The following ANAPC11 variants were observed in gnomAD, a reference collection of about 807,000 sequenced individuals.
ANAPC11 encodes anaphase-promoting complex subunit 11.
In ANAPC11, 5 loss-of-function variants were observed where a neutral mutation model predicts 11.8. That is an observed-to-expected ratio of 0.42 (90% CI 0.22 to 0.89). The LOEUF (loss-of-function observed/expected upper bound fraction) is 0.89. Ranked by LOEUF, ANAPC11 falls within the 40% of genes least tolerant of loss-of-function variation. The pLI is 0.28. For missense variants in ANAPC11, 68 were observed against 112.9 expected (o/e 0.60, Z 1.80); for synonymous variants, 45 against 41.0 (o/e 1.10, Z -0.38).
At chr17:81,897,698 A>G (rs2039790577) in intron 3 of ANAPC11, among the ~76,000 whole-genome samples, 1 of 152,094 alleles carries the variant, frequency 6.6e-6, no homozygotes, top group African/African-American at 2.4e-5. Context: ...TGCCAAGGCT[A>G]GTCTTGAACT....
At chr17:81,898,920 CT>C (rs2143575240) in intron 3 of ANAPC11, 1 of 415,884 alleles carries the variant, frequency 2.4e-6, no homozygotes, top group East Asian at 4.5e-5. Flanking sequence ...GCCCAGACCC[CT>C]CTCCTCAGGG....
intron 2 of ANAPC11, 165 bp from the exon 3 acceptor site, chr17:81,894,302 A>G (rs1035832417): frequency 8.1e-5 from 33 of 405,158 alleles, no homozygotes; most frequent in Non-Finnish European, 1.2e-4. Context: ...AGGGCTCACG[A>G]TGTTTCCCAG....
intron 3 of ANAPC11, chr17:81,899,312 C>T: frequency 6.2e-7 from 1 of 1,613,478 alleles, no homozygotes; most frequent in Non-Finnish European, 8.5e-7. Flanking sequence ...TCCTGGGAGG[C>T]AGGGCCCATC....
chr17:81,897,339 G>A (rs960945719), intron 3 of ANAPC11, among the ~76,000 whole-genome samples: 1 of 152,042 alleles, frequency 6.6e-6, no homozygotes, highest in African/African-American at 2.4e-5. Flanking sequence ...CACCATGTTG[G>A]CCGGGCTGGT....
chr17:81,899,111 G>A lies in ANAPC11; in HGVS notation c.110-809G>A, dbSNP rs766449262. 13 of 1,017,818 alleles carry A rather than the reference G, an allele frequency of 1.3e-5. 1 individual carries two copies. The highest frequency in any genetic ancestry group is 5.0e-5 in the South Asian group (3 of 60,116). 63.0% of individuals were successfully genotyped at this position (1,017,818 alleles called of 1,614,324 possible). A position where few individuals can be genotyped will look rare whatever the true frequency, so the allele number is the denominator to read the frequency against. The stretch of plus-strand genomic sequence containing the variant: ...TCCACAATGCCAGGCCGACCCTGCC[G>A]TGGGGCTGGGGCTGGGACTTGCTGT... On this transcript the variant is annotated intron_variant, in intron 3 of 3. Coordinates refer to ENST00000344877, the MANE Select transcript of ANAPC11 (RefSeq NM_001002248.3).
upstream of ANAPC11, chr17:81,891,629 C>A (rs762748230): frequency 7.5e-7 from 1 of 1,331,422 alleles, no homozygotes; most frequent in South Asian, 1.4e-5. Flanking sequence ...TCCGGCGCCG[C>A]GTGAGGCCTT....
At position 81,899,920 on chromosome 17, in the gene ANAPC11, G is replaced by A. The variant is rs747366718; in HGVS notation, c.110G>A (p.Cys37Tyr). Residue 37 changes from cysteine to tyrosine, a missense_variant and splice_region_variant, in exon 4 of 4, where the codon TGC (cysteine) becomes TAC (tyrosine). Physicochemically the swap from Cys to Tyr is radical, Grantham distance 194. Transcript: ENST00000344877. Reference sequence around the variant, plus strand: ...CCTTTTCCCCACCTCCCCTCCGTAGGCAAGGTGCCCGGCGACGACTGCCCG... The same window carrying A: ...CCTTTTCCCCACCTCCCCTCCGTAGACAAGGTGCCCGGCGACGACTGCCCG... ...RMAFNGCCPD[C>Y]KVPGDDCPLV... 1 of 1,607,168 alleles carries A rather than the reference G, an allele frequency of 6.2e-7. No homozygotes were observed. Among genetic ancestry groups the A allele is most frequent in the Non-Finnish European group, 8.5e-7 (1 of 1,175,404 alleles).
rs1416885502 is a variant in ANAPC11 at position 81,899,904 on chromosome 17, C to T, written c.110-16C>T. The T allele has an allele frequency of 2.5e-6, 4 of 1,603,000 alleles. No individual in the cohort carries two copies. Among genetic ancestry groups the T allele is most frequent in the South Asian group, 1.1e-5 (1 of 90,580 alleles). On this transcript the variant is annotated splice_polypyrimidine_tract_variant and intron_variant, in intron 3 of 3. Transcript: ENST00000344877. ...GCCTGGTCATGCCTGTCCTTTTCCC[C>T]ACCTCCCCTCCGTAGGCAAGGTGCC...
In ANAPC11 at chr17:81,894,523, T is replaced by C. The variant is rs1567867682; in HGVS notation, c.46T>C (p.Trp16Arg). Residue 16 changes from tryptophan to arginine, a missense_variant, in exon 3 of 4, where the codon TGG becomes CGG. Coordinates refer to ENST00000344877, the MANE Select transcript of ANAPC11 (RefSeq NM_001002248.3). ...CTGGAACGGCGTGGCCACTTGGCTC[T>C]GGGTGGCCAACGATGAGAACTGTGG... ...KCWNGVATWL[W>R]VANDENCGIC... The C allele has an allele frequency of 6.2e-7, 1 of 1,613,198 alleles. No homozygotes were observed. The highest frequency in any genetic ancestry group is 8.5e-7 in the Non-Finnish European group (1 of 1,179,408).
At chr17:81,894,608 T>A in intron 3 of ANAPC11, 22 bp downstream of exon 3, 1 of 1,556,804 alleles carries the variant, frequency 6.4e-7, no homozygotes, top group Non-Finnish European at 8.8e-7. Flanking sequence ...CTCCATGCTG[T>A]CTGAGCGGCC....
rs973846974 is a variant in ANAPC11 at position 81,899,502 on chromosome 17, A to C, written c.110-418A>C. The C allele has an allele frequency of 3.1e-6, 5 of 1,613,822 alleles. No individual in the cohort carries two copies. In the East Asian group the frequency reaches 8.9e-5, roughly 29 times the overall value. ...TGACCATTCATGTGACCTTTTTGGC[A>C]TCACAGATCAAGTGTCTGCAGATGG... On this transcript the variant is annotated intron_variant, in intron 3 of 3. Coordinates refer to ENST00000344877, the MANE Select transcript of ANAPC11 (RefSeq NM_001002248.3).
At chr17:81,891,621 C>T, upstream of ANAPC11, 1 of 1,353,922 alleles carries the variant, frequency 7.4e-7, no homozygotes, top group Non-Finnish European at 9.6e-7. Flanking sequence ...ACGTCACTTC[C>T]GGCGCCGCGT....
In ANAPC11 at chr17:81,900,205, G is replaced by A; in HGVS notation, c.*140G>A. 2 of 1,331,556 alleles carry A rather than the reference G, an allele frequency of 1.5e-6. No individual in the cohort carries two copies. The highest frequency in any genetic ancestry group is 2.1e-6 in the Non-Finnish European group (2 of 974,960). The allele number at this position is 1,331,556 out of a possible 1,614,324, so 82.5% of individuals were successfully genotyped here. Reference sequence around the variant, plus strand: ...GCTGCGTTTGTTTTGCCATCACTATGTTGACACTTTTATCCAATAAGTGAA... The same window carrying A: ...GCTGCGTTTGTTTTGCCATCACTATATTGACACTTTTATCCAATAAGTGAA... On this transcript the variant is annotated 3_prime_UTR_variant, in exon 4 of 4. Coordinates refer to ENST00000344877, the MANE Select transcript of ANAPC11 (RefSeq NM_001002248.3).
Position 81,891,744 on chromosome 17 carries a change from TCGG to T in ANAPC11, c.-168_-166del, listed in dbSNP as rs1182435968. ...GCGCGTGCGCACTGGCGTGCGAGACTCGGCGGGCGCTGTTGAGGGAGTCGGGCC... is the reference window on the plus strand; with the variant it reads ...GCGCGTGCGCACTGGCGTGCGAGACTCGGGCGCTGTTGAGGGAGTCGGGCC... On this transcript the variant is annotated 5_prime_UTR_variant, in exon 1 of 4. Transcript: ENST00000344877. The T allele has an allele frequency of 9.9e-6, 5 of 504,250 alleles. No individual in the cohort carries two copies. Among genetic ancestry groups the T allele is most frequent in the Non-Finnish European group, 1.4e-5 (5 of 346,548 alleles). The allele number at this position is 504,250 out of a possible 1,614,324, so 31.2% of individuals were successfully genotyped here. A position where few individuals can be genotyped will look rare whatever the true frequency, so the allele number is the denominator to read the frequency against.
rs975253464 is a variant in ANAPC11 at position 81,894,421 on chromosome 17, C to T, written c.-11-46C>T. 7.5e-6 allele frequency: 9 copies of T among 1,194,494 alleles called. No homozygotes were observed. The African/African-American group carries it at 1.2e-4, about 16-fold the overall frequency. 74.0% of individuals were successfully genotyped at this position (1,194,494 alleles called of 1,614,324 possible). On this transcript the variant is annotated intron_variant, in intron 2 of 3. Coordinates refer to ENST00000344877, the MANE Select transcript of ANAPC11 (RefSeq NM_001002248.3). ...CTGTGTTGGTGCCTAAACGTTCTAG[C>T]TCTGCAGACTCAATTTAGCCAGTCG...
intron 3 of ANAPC11, among the ~76,000 whole-genome samples, chr17:81,895,086 C>A (rs1424702231): frequency 9.8e-4 from 97 of 98,514 alleles, no homozygotes; most frequent in Middle Eastern, 9.3e-3. Flanking sequence ...TGGAGTTTCA[C>A]TCTTGTTGCC....
intron 2 of ANAPC11, among the ~76,000 whole-genome samples, chr17:81,893,837 T>C (rs1045797722): frequency 1.1e-4 from 16 of 147,326 alleles, no homozygotes; most frequent in African/African-American, 4.0e-4. Flanking sequence ...GCTCAGGCGA[T>C]CCTCCCGAGT....
chr17:81,898,105 A>G (rs931243253), intron 3 of ANAPC11: 2 of 152,280 alleles, frequency 1.3e-5, no homozygotes, highest in African/African-American at 4.8e-5. Context: ...TTCACAAGGC[A>G]CAGTTTTATT....
Sources: gnomAD v4.1 joint callset for allele counts (sites outside exome capture counted in the v4.1 genomes callset) on GRCh38, gnomAD v4.1.1 for gene constraint, MANE v1.5 for transcripts, NCBI Gene and HGNC (gene_info 2026-07-23, HGNC 2026-07-21) for gene names.